ATP11A: variants seen among roughly 807,000 people sequenced by gnomAD.
ATP11A encodes ATPase phospholipid transporting 11A.
In ATP11A, 81 loss-of-function variants were observed where a neutral mutation model predicts 154.4. The ratio of observed to expected loss-of-function variants is 0.52; its 90% CI spans 0.44 to 0.63. The LOEUF (loss-of-function observed/expected upper bound fraction) is 0.63. Among genes scored for constraint, ATP11A ranks in the 30% least tolerant of loss-of-function variants. The pLI is 0.00. For synonymous variants in ATP11A, 623 were observed against 585.9 expected, an observed-to-expected ratio of 1.06 and a Z score of -0.91; for missense variants, 1,316 against 1,474.3, an observed-to-expected ratio of 0.89 and a Z score of 1.76.
chr13:112,855,232 A>C (rs1221634240), intron 19 of ATP11A, among the ~76,000 whole-genome samples: 1 of 152,110 alleles, frequency 6.6e-6, no homozygotes, highest in African/African-American at 2.4e-5. Context: ...TTTGAGATGG[A>C]GCCTCAATCT....
Position 112,690,365 on chromosome 13 carries a change from C to A in ATP11A, c.-52C>A, listed in dbSNP as rs1485032743. ...AGTACCCCGGAGCCCATGGGCGCGC[C>A]GAGCCGGGCGCGGGGGCGCTGAACG... On this transcript the variant is annotated 5_prime_UTR_variant, in exon 1 of 30. Transcript: ENST00000375645. This position sits in a 1 kb window ranked among gnomAD's most constrained non-coding sequence, Gnocchi z 5.6. The A allele has an allele frequency of 2.4e-6, 3 of 1,242,406 alleles. No homozygotes were observed. The highest frequency in any genetic ancestry group is 3.1e-5 in the East Asian group (1 of 31,780). 77.0% of individuals were successfully genotyped at this position (1,242,406 alleles called of 1,614,324 possible).
rs562453458 is a variant in ATP11A, at chr13:112,850,236, G to A, written c.1810-801G>A. On this transcript the variant is annotated intron_variant, in intron 17 of 29. Coordinates refer to ENST00000375645, the MANE Select transcript of ATP11A (RefSeq NM_015205.3). ...CGGATTTTAAAATGGTTATTTGGGA[G>A]GATTATGGTTCTTTTACTATTATCA... Among the ~76,000 whole-genome samples, 4 of 152,350 alleles carry A rather than the reference G, an allele frequency of 2.6e-5. No individual in the cohort carries two copies. In the East Asian group the frequency reaches 5.8e-4, roughly 22 times the overall value.
rs2079911895 is a variant in ATP11A, at chr13:112,856,008, A to G, written c.2341A>G (p.Arg781Gly). ...AGAAGACGGGAGTTCCGGCAACTAC[A>G]GGGAGCTCTTCCTGGAAATCTGCCG... Reference protein sequence around the residue: ...PREDGSSGNYRELFLEICRSC... With the variant: ...PREDGSSGNYGELFLEICRSC... Residue 781 changes from arginine to glycine, a missense_variant, in exon 20 of 30, where the codon AGG (arginine) becomes GGG (glycine). Arg to Gly is a moderately radical substitution (Grantham distance 125). Around this residue, in one of 5 missense-constraint regions of ATP11A, gnomAD observed 876 missense variants for 1,006.8 expected, o/e 0.87. Coordinates refer to ENST00000375645, the MANE Select transcript of ATP11A (RefSeq NM_015205.3). The G allele has an allele frequency of 4.3e-6, 7 of 1,614,076 alleles. No homozygotes were observed. Among genetic ancestry groups the G allele is most frequent in the Non-Finnish European group, 5.1e-6 (6 of 1,180,024 alleles).
intron 1 of ATP11A, among the ~76,000 whole-genome samples, chr13:112,729,433 G>A (rs1482465830): frequency 6.6e-6 from 1 of 151,218 alleles, no homozygotes; most frequent in East Asian, 1.9e-4. Context: ...AGAAGGCACT[G>A]AGGCAGCGCG....
chr13:112,874,452 G>A (rs1366500324), intron 27 of ATP11A, among the ~76,000 whole-genome samples: 1 of 152,184 alleles, frequency 6.6e-6, no homozygotes, highest in East Asian at 1.9e-4. Flanking sequence ...TAGGCAGGGT[G>A]GTCAGTCTAG....
intron 1 of ATP11A, among the ~76,000 whole-genome samples, chr13:112,729,375 A>C (rs1398933704): frequency 6.6e-6 from 1 of 150,928 alleles, no homozygotes; most frequent in Non-Finnish European, 1.5e-5. Context: ...CCCTCGCCTT[A>C]GCATTGCGGG....
chr13:112,702,002 C>T (rs995448227), intron 1 of ATP11A, among the ~76,000 whole-genome samples: 11 of 152,080 alleles, frequency 7.2e-5, no homozygotes, highest in African/African-American at 2.4e-4. Flanking sequence ...TGGATGGAGA[C>T]AGGCGTTGCT....
chr13:112,882,688 G>T lies in ATP11A; in HGVS notation c.*822G>T, dbSNP rs1403120906. On this transcript the variant is annotated 3_prime_UTR_variant, in exon 30 of 30. Coordinates refer to ENST00000375645, the MANE Select transcript of ATP11A (RefSeq NM_015205.3). The surrounding 1 kb of genome is among the most constrained non-coding windows in gnomAD (Gnocchi z 5.1). Reference sequence around the variant, plus strand: ...CACGTGGGAGGACAAGGCCACGCCGGCAGCTTCCAGCCCTGCCGCAGAAGT... The same window carrying T: ...CACGTGGGAGGACAAGGCCACGCCGTCAGCTTCCAGCCCTGCCGCAGAAGT... The T allele has an allele frequency of 2.5e-6, 1 of 399,924 alleles. No individual in the cohort carries two copies. Among genetic ancestry groups the T allele is most frequent in the East Asian group, 3.6e-5 (1 of 28,080 alleles). 24.8% of individuals were successfully genotyped at this position (399,924 alleles called of 1,614,324 possible).
chr13:112,831,842 C>T (rs1328310271), intron 13 of ATP11A, among the ~76,000 whole-genome samples: 1 of 152,202 alleles, frequency 6.6e-6, no homozygotes, highest in Non-Finnish European at 1.5e-5. Context: ...CATGCAAACA[C>T]ATGCACTCAC....
intron 1 of ATP11A, among the ~76,000 whole-genome samples, chr13:112,720,977 A>G (rs1023778923): frequency 3.3e-5 from 5 of 152,046 alleles, no homozygotes; most frequent in African/African-American, 1.2e-4. Flanking sequence ...CCATTCTGTT[A>G]GTGGGGGCCG....
At chr13:112,792,499 C>T (rs1257333634) in intron 2 of ATP11A, among the ~76,000 whole-genome samples, 1 of 152,154 alleles carries the variant, frequency 6.6e-6, no homozygotes, top group African/African-American at 2.4e-5. Context: ...TTGTTCTCAG[C>T]AAGTTTGCTT....
At chr13:112,832,836 G>A (rs1219346942) in intron 13 of ATP11A, 24 bp from the exon 14 acceptor site, 4 of 1,608,116 alleles carry the variant, frequency 2.5e-6, no homozygotes, top group Admixed American at 3.3e-5. Context: ...TGATTTGGGG[G>A]TTCTGGGAAC....
At chr13:112,881,453 G>T in intron 29 of ATP11A, 1 of 1,070,274 alleles carries the variant, frequency 9.3e-7, no homozygotes, top group Admixed American at 4.8e-5. Flanking sequence ...CCGGTATGGC[G>T]TTCGAGCTCA....
intron 15 of ATP11A, among the ~76,000 whole-genome samples, 156 bp from the exon 16 acceptor site, chr13:112,836,022 A>G (rs1302207329): frequency 1.3e-5 from 2 of 152,172 alleles, no homozygotes; most frequent in Non-Finnish European, 2.9e-5. Flanking sequence ...CAGGGCATCC[A>G]TGGGAGGACA....
chr13:112,764,881 C>T (rs1353483946), intron 1 of ATP11A, among the ~76,000 whole-genome samples: 1 of 152,206 alleles, frequency 6.6e-6, no homozygotes, highest in Non-Finnish European at 1.5e-5. Context: ...TGACCATGAG[C>T]CAACCTCTTT....
At chr13:112,733,132 A>G (rs1486585301) in intron 1 of ATP11A, among the ~76,000 whole-genome samples, 1 of 152,238 alleles carries the variant, frequency 6.6e-6, no homozygotes, top group Non-Finnish European at 1.5e-5. Context: ...AACTAATTAT[A>G]CAGGCAAACA....
chr13:112,772,106 T>G (rs186427754), intron 1 of ATP11A, among the ~76,000 whole-genome samples: 2 of 152,364 alleles, frequency 1.3e-5, no homozygotes, highest in Admixed American at 1.3e-4. Flanking sequence ...CTATTTTTTT[T>G]AATTTGTTTA....
intron 2 of ATP11A, among the ~76,000 whole-genome samples, chr13:112,795,645 G>A (rs2077981180): frequency 6.6e-6 from 1 of 152,224 alleles, no homozygotes; most frequent in South Asian, 2.1e-4. Flanking sequence ...TTGTGGAAAC[G>A]TATAATTGTA....
At chr13:112,829,306 CT>C (rs2079029421) in intron 12 of ATP11A, among the ~76,000 whole-genome samples, 1 of 152,196 alleles carries the variant, frequency 6.6e-6, no homozygotes, top group Non-Finnish European at 1.5e-5. Flanking sequence ...GCCAGGACCC[CT>C]GATGAACAAA....
Sources: allele counts gnomAD v4.1 joint callset (sites outside exome capture counted in the v4.1 genomes callset), GRCh38; gene constraint gnomAD v4.1.1; regional missense constraint gnomAD v4.1.1; non-coding constraint Gnocchi (gnomAD v3.1); transcripts MANE v1.5; gene names NCBI Gene and HGNC (gene_info 2026-07-23, HGNC 2026-07-21).